DNAI7: variants seen among roughly 807,000 people sequenced by gnomAD.
DNAI7 encodes cancer susceptibility 1.
Under a neutral mutation model 86.6 loss-of-function variants are expected in DNAI7, and 78 were observed. The ratio of observed to expected loss-of-function variants is 0.90; its 90% confidence interval spans 0.75 to 1.09. DNAI7 has a LOEUF of 1.09. Ranked by LOEUF, DNAI7 falls within the 50% of genes least tolerant of loss-of-function variation. The pLI is 0.00. For missense variants in DNAI7, 753 were observed against 810.2 expected (o/e 0.93, Z 0.86); for synonymous variants, 274 against 273.0 (o/e 1.00, Z -0.04).
chr12:25,142,134 G>A (rs1213157669), intron 9 of DNAI7, among the ~76,000 whole-genome samples: 1 of 152,036 alleles, frequency 6.6e-6, no homozygotes, highest in African/African-American at 2.4e-5. Flanking sequence ...AAGAAAATGA[G>A]GTATATGTGT....
chr12:25,179,220 A>C (rs1443029490), intron 2 of DNAI7, among the ~76,000 whole-genome samples: 1 of 152,148 alleles, frequency 6.6e-6, no homozygotes, highest in East Asian at 1.9e-4. Flanking sequence ...TCAATATAAT[A>C]TTCATTATGA....
intron 9 of DNAI7, among the ~76,000 whole-genome samples, chr12:25,128,362 A>C (rs1324110029): frequency 6.6e-6 from 1 of 152,236 alleles, no homozygotes; most frequent in East Asian, 1.9e-4. Context: ...TCCTGGGTCT[A>C]CTGGTCTCAT....
In DNAI7 at chr12:25,110,126, C is replaced by T; in HGVS notation, c.1893+1G>A. On this transcript the variant is annotated splice_donor_variant, in intron 15 of 15. Coordinates refer to ENST00000395987, the MANE Select transcript of DNAI7 (RefSeq NM_018272.5). LOFTEE classifies it high-confidence loss of function. ...GTTTTATGGGTTTCTACATATCATA[C>T]CTTAAATACGACTTTTGTAGAATTA... The T allele has an allele frequency of 6.6e-7, 1 of 1,523,528 alleles. No individual in the cohort carries two copies. The allele number at this position is 1,523,528 out of a possible 1,614,324, so 94.4% of individuals were successfully genotyped here.
chr12:25,187,299 A>AGCAC (rs1950121864), intron 2 of DNAI7, among the ~76,000 whole-genome samples: 1 of 152,166 alleles, frequency 6.6e-6, no homozygotes, highest in Non-Finnish European at 1.5e-5. Flanking sequence ...CCCCCAGGTA[A>AGCAC]TTACTAACCT....
chr12:25,126,942 T>C (rs1054819735), intron 9 of DNAI7, among the ~76,000 whole-genome samples: 1 of 152,186 alleles, frequency 6.6e-6, no homozygotes, highest in African/African-American at 2.4e-5. Flanking sequence ...ACAGAACTTT[T>C]CCCTTGATAA....
At chr12:25,176,972 G>A (rs1175902017) in intron 2 of DNAI7, among the ~76,000 whole-genome samples, 5 of 142,902 alleles carry the variant, frequency 3.5e-5, no homozygotes, top group African/African-American at 8.0e-5. Flanking sequence ...GTGCGATCTC[G>A]GCTCACTACA....
chr12:25,109,083 G>A (rs1949543582), intron 15 of DNAI7, among the ~76,000 whole-genome samples: 1 of 152,132 alleles, frequency 6.6e-6, no homozygotes, highest in East Asian at 1.9e-4. Flanking sequence ...ACTGTTCTAA[G>A]TGCTGGGGAT....
chr12:25,168,167 C>T (rs1947717969), intron 2 of DNAI7, among the ~76,000 whole-genome samples: 1 of 152,186 alleles, frequency 6.6e-6, no homozygotes, highest in South Asian at 2.1e-4. Context: ...TTTCAGCACT[C>T]CTTCTCATCT....
At chr12:25,154,548 A>G in intron 5 of DNAI7, 92 bp from the exon 6 acceptor site, 3 of 1,294,240 alleles carry the variant, frequency 2.3e-6, no homozygotes, top group Non-Finnish European at 2.2e-6. Flanking sequence ...TTTATAACCT[A>G]GTTTAACCAA....
downstream of DNAI7, chr12:25,107,956 T>C (rs369331176): frequency 1.2e-6 from 2 of 1,614,150 alleles, no homozygotes; most frequent in Non-Finnish European, 1.7e-6. Flanking sequence ...ATTCCAGAAG[T>C]CTGTGGATGC....
At chr12:25,175,624 A>G (rs1324262225) in intron 2 of DNAI7, among the ~76,000 whole-genome samples, 1 of 138,228 alleles carries the variant, frequency 7.2e-6, no homozygotes, top group Non-Finnish European at 1.6e-5. Context: ...CTGGGATTAC[A>G]GGCATGAGCC....
At chr12:25,122,012 A>C (rs986402626) in intron 10 of DNAI7, 99 bp from the exon 11 acceptor site, 10 of 811,478 alleles carry the variant, frequency 1.2e-5, no homozygotes, top group African/African-American at 8.9e-5. Flanking sequence ...GGAAGTTTCT[A>C]TTCAACCAGC....
intron 8 of DNAI7, among the ~76,000 whole-genome samples, chr12:25,146,478 A>G (rs982082496): frequency 8.6e-5 from 13 of 151,772 alleles, no homozygotes; most frequent in African/African-American, 3.1e-4. Flanking sequence ...GTGCACCTGT[A>G]ATCCCAGCTA....
intron 2 of DNAI7, among the ~76,000 whole-genome samples, chr12:25,173,125 G>T (rs1339294970): frequency 6.6e-6 from 1 of 152,232 alleles, no homozygotes; most frequent in East Asian, 1.9e-4. Flanking sequence ...AAGACCTTTT[G>T]CATGGCAAAA....
chr12:25,151,521 G>A (rs180779256), intron 6 of DNAI7, among the ~76,000 whole-genome samples: 19 of 152,138 alleles, frequency 1.2e-4, no homozygotes, highest in Admixed American at 1.2e-3. Flanking sequence ...TTCTACTTCT[G>A]ACTCCTCATT....
chr12:25,115,710 C>G (rs1287387301), intron 12 of DNAI7, among the ~76,000 whole-genome samples: 1 of 152,176 alleles, frequency 6.6e-6, no homozygotes, highest in Non-Finnish European at 1.5e-5. Flanking sequence ...TCATATAGTG[C>G]TGGCAGACAT....
At chr12:25,188,928 C>T (rs1422084466) in intron 2 of DNAI7, among the ~76,000 whole-genome samples, 1 of 152,108 alleles carries the variant, frequency 6.6e-6, no homozygotes, top group Admixed American at 6.5e-5. Context: ...GACACACAGG[C>T]CCTCCAGAAT....
intron 6 of DNAI7, among the ~76,000 whole-genome samples, chr12:25,150,233 G>T (rs1004695964): frequency 6.6e-6 from 1 of 152,196 alleles, no homozygotes; most frequent in African/African-American, 2.4e-5. Flanking sequence ...TTTGACCTCT[G>T]ATTGGGGAAA....
intron 9 of DNAI7, among the ~76,000 whole-genome samples, chr12:25,130,582 AAAATAAAAT>A (rs1942784703): frequency 7.1e-6 from 1 of 141,398 alleles, no homozygotes; most frequent in Non-Finnish European, 1.6e-5. Flanking sequence ...AAAATAAAAT[AAAATAAAAT>A]ATTTATGTTA....
Sources: allele counts gnomAD v4.1 joint callset (sites outside exome capture counted in the v4.1 genomes callset), GRCh38; gene constraint gnomAD v4.1.1; transcripts MANE v1.5; gene names NCBI Gene and HGNC (gene_info 2026-07-23, HGNC 2026-07-21).